The following SCN8A variants were observed in gnomAD, a reference collection of about 807,000 sequenced individuals.
SCN8A encodes the protein sodium channel protein type 8 subunit alpha.
In SCN8A, 30 loss-of-function variants were observed where a neutral mutation model predicts 184.1. The observed-to-expected ratio is 0.16, with a 90% confidence interval of 0.12 to 0.22. SCN8A has a LOEUF of 0.22. Among genes scored for constraint, SCN8A ranks in the 10% least tolerant of loss-of-function variants. The probability of loss-of-function intolerance (pLI) is 1.00; values close to 1 mark genes in which losing one functional copy is unlikely to be tolerated. For synonymous variants in SCN8A, 852 were observed against 907.0 expected (o/e 0.94, Z 1.09); for missense variants, 1,057 against 2,498.9 (o/e 0.42, Z 12.30).
chr12:51,637,591 A>C (rs1316101560), intron 1 of SCN8A, among the ~76,000 whole-genome samples: 1 of 152,236 alleles, frequency 6.6e-6, no homozygotes, highest in Non-Finnish European at 1.5e-5. Context: ...CGCCCAATCC[A>C]GAGCAAGGCC....
Position 51,591,238 on chromosome 12 carries a change from G to C in SCN8A, c.-176G>C, listed in dbSNP as rs1484680644. ...GCGGTGCGGGGGGCGGGCGCGGGGA[G>C]CGCTCCAAGATGGCGCCCACCGCAG... On this transcript the variant is annotated 5_prime_UTR_variant, in exon 1 of 27. Coordinates refer to ENST00000627620, the MANE Select transcript of SCN8A (RefSeq NM_001330260.2). The C allele has an allele frequency of 6.6e-6, 1 of 151,448 alleles. No homozygotes were observed. Among genetic ancestry groups the C allele is most frequent in the African/African-American group, 2.4e-5 (1 of 41,222 alleles). The allele number at this position is 151,448 out of a possible 1,614,324, so 9.4% of individuals were successfully genotyped here.
intron 2 of SCN8A, among the ~76,000 whole-genome samples, chr12:51,671,226 T>C (rs994386465): frequency 6.6e-6 from 1 of 152,180 alleles, no homozygotes; most frequent in Non-Finnish European, 1.5e-5. Flanking sequence ...AGAAATAAAA[T>C]ATACTTGAGC....
At chr12:51,788,673 A>G (rs1364433638) in intron 22 of SCN8A, 22 bp from the exon 23 acceptor site, 1 of 1,602,026 alleles carries the variant, frequency 6.2e-7, no homozygotes, top group Admixed American at 1.7e-5. Flanking sequence ...GGCACCGTCT[A>G]ATGACTGACT....
intron 14 of SCN8A, among the ~76,000 whole-genome samples, chr12:51,754,463 A>T (rs987575877): frequency 2.0e-5 from 3 of 151,974 alleles, no homozygotes; most frequent in Admixed American, 2.0e-4. Context: ...ATTAACATTG[A>T]TACATTACAA....
At chr12:51,777,229 C>T (rs1291776161) in intron 20 of SCN8A, among the ~76,000 whole-genome samples, 3 of 152,012 alleles carry the variant, frequency 2.0e-5, no homozygotes, top group Non-Finnish European at 4.4e-5. Flanking sequence ...TTCCAGCCTG[C>T]AACCATAGAT....
intron 20 of SCN8A, among the ~76,000 whole-genome samples, chr12:51,779,803 T>A (rs1053301896): frequency 2.0e-5 from 3 of 152,230 alleles, no homozygotes; most frequent in Non-Finnish European, 4.4e-5. Flanking sequence ...TGGACTGTTC[T>A]GGAAGGAAAG....
chr12:51,687,278 C>T (rs979143530), intron 5 of SCN8A, 59 bp downstream of exon 5: 2 of 1,592,690 alleles, frequency 1.3e-6, no homozygotes, highest in East Asian at 2.2e-5. Context: ...TGGAGTTGTA[C>T]TCCTGGGTCT....
chr12:51,617,211 T>A (rs892683556), intron 1 of SCN8A, among the ~76,000 whole-genome samples: 2 of 152,204 alleles, frequency 1.3e-5, no homozygotes, highest in Admixed American at 1.3e-4. Flanking sequence ...TACTTTCTCC[T>A]TACCTGTTGG....
chr12:51,807,550 C>G lies in SCN8A; in HGVS notation c.*121C>G, dbSNP rs938422412. On this transcript the variant is annotated 3_prime_UTR_variant, in exon 27 of 27. Transcript: ENST00000627620. This position sits in a 1 kb window ranked among gnomAD's most constrained non-coding sequence, Gnocchi z 4.5. ...GAGACTCTAACCTGAAGATCTATAC[C>G]AAACGTCGTCTGCTTACCACGTAAC... The G allele has an allele frequency of 3.7e-6, 4 of 1,086,512 alleles. No homozygotes were observed. The highest frequency in any genetic ancestry group is 5.4e-6 in the Non-Finnish European group (4 of 738,754). The allele number at this position is 1,086,512 out of a possible 1,614,324, so 67.3% of individuals were successfully genotyped here.
At chr12:51,740,744 T>C (rs962031306) in intron 12 of SCN8A, among the ~76,000 whole-genome samples, 2 of 152,190 alleles carry the variant, frequency 1.3e-5, no homozygotes. Flanking sequence ...ATCTGTCCAG[T>C]GCTGAAAGTG....
At chr12:51,758,740 A>G (rs1237258430) in intron 14 of SCN8A, among the ~76,000 whole-genome samples, 1 of 152,172 alleles carries the variant, frequency 6.6e-6, no homozygotes, top group Non-Finnish European at 1.5e-5. Flanking sequence ...GCCTGGCCTC[A>G]TGTCTGGTTT....
intron 5 of SCN8A, chr12:51,688,783 G>A: frequency 6.2e-7 from 1 of 1,613,906 alleles, no homozygotes; most frequent in Non-Finnish European, 8.5e-7. Flanking sequence ...TGTAAACCTA[G>A]GCAATGTTTC....
intron 1 of SCN8A, among the ~76,000 whole-genome samples, chr12:51,647,073 G>C (rs4761987): frequency 0.73 from 110,634 of 152,078 alleles, 42,725 homozygotes; most frequent in East Asian, 0.86. Flanking sequence ...TACTAACTTG[G>C]TGGCATGCAC....
intron 12 of SCN8A, among the ~76,000 whole-genome samples, chr12:51,727,299 C>A (rs920942901): frequency 5.9e-5 from 9 of 151,558 alleles, no homozygotes; most frequent in African/African-American, 2.2e-4. Flanking sequence ...AGGCTTCTTA[C>A]AGGTTGAATT....
Position 51,721,275 on chromosome 12 carries a change from T to C in SCN8A, c.1636-271T>C, listed in dbSNP as rs574820661. On this transcript the variant is annotated intron_variant, in intron 11 of 26. Coordinates refer to ENST00000627620, the MANE Select transcript of SCN8A (RefSeq NM_001330260.2). Reference sequence around the variant, plus strand: ...CATGTGCTTTACCCTGGATAAGTTGTGTATAATGTGAGATAAAAGCATCTT... The same window carrying C: ...CATGTGCTTTACCCTGGATAAGTTGCGTATAATGTGAGATAAAAGCATCTT... 2.6e-5 allele frequency among the ~76,000 whole-genome samples: 4 copies of C among 151,762 alleles called. No individual in the cohort carries two copies. The East Asian group carries it at 5.8e-4, about 22-fold the overall frequency.
intron 9 of SCN8A, 80 bp downstream of exon 9, chr12:51,702,994 T>G: frequency 7.6e-7 from 1 of 1,316,268 alleles, no homozygotes; most frequent in Non-Finnish European, 1.0e-6. Flanking sequence ...GTGAGAGACA[T>G]TTAGTGAAGA....
At chr12:51,597,729 A>G (rs1939380135) in intron 1 of SCN8A, among the ~76,000 whole-genome samples, 1 of 152,146 alleles carries the variant, frequency 6.6e-6, no homozygotes, top group Non-Finnish European at 1.5e-5. Context: ...TACAAGTTTA[A>G]TGTCCACTGC....
At position 51,806,856 on chromosome 12, in the gene SCN8A, G is replaced by A; in HGVS notation, c.5370G>A (p.Glu1790=). 1 of 1,613,996 alleles carries A rather than the reference G, an allele frequency of 6.2e-7. No individual in the cohort carries two copies. The highest frequency in any genetic ancestry group is 8.5e-7 in the Non-Finnish European group (1 of 1,179,854). ...LSEDDFETFY[E]IWEKFDPDAT... The stretch of plus-strand genomic sequence containing the variant: ...AGGATGACTTTGAGACCTTCTATGA[G>A]ATCTGGGAGAAGTTCGACCCCGATG... The change falls in exon 27 of 27, where the codon GAG becomes GAA. Residue 1790 remains glutamate (E), a synonymous_variant. Transcript: ENST00000627620. The surrounding 1 kb of genome is among the most constrained non-coding windows in gnomAD (Gnocchi z 8.7).
In SCN8A at chr12:51,806,991, A is replaced by C; in HGVS notation, c.5505A>C (p.Pro1835=). The C allele has an allele frequency of 6.2e-7, 1 of 1,614,024 alleles. No individual in the cohort carries two copies. Among genetic ancestry groups the C allele is most frequent in the South Asian group, 1.1e-5 (1 of 91,090 alleles). Residue 1835 remains proline (P), a synonymous_variant, in exon 27 of 27, where the codon CCA becomes CCC. Transcript: ENST00000627620. This position sits in a 1 kb window ranked among gnomAD's most constrained non-coding sequence, Gnocchi z 8.7. ...TTGAGCTCATCGCTATGGATCTGCC[A>C]ATGGTGAGCGGGGATCGCATCCACT... is the stretch of plus-strand genomic sequence containing the variant. ...NTIELIAMDL[P]MVSGDRIHCL... is the part of the protein sequence containing the mutation.
Sources: gnomAD v4.1 joint callset for allele counts (sites outside exome capture counted in the v4.1 genomes callset) on GRCh38, gnomAD v4.1.1 for gene constraint, Gnocchi (gnomAD v3.1) non-coding constraint, MANE v1.5 for transcripts, NCBI Gene and HGNC (gene_info 2026-07-23, HGNC 2026-07-21) for gene names.